The following VPS13A variants were observed in gnomAD, a reference collection of about 807,000 sequenced individuals.
VPS13A encodes intermembrane lipid transfer protein VPS13A.
Under a neutral mutation model 390.9 loss-of-function variants are expected in VPS13A, and 264 were observed. The observed-to-expected ratio is 0.68, with a 90% CI of 0.61 to 0.75. The LOEUF is 0.75. VPS13A is among the 30% of genes least tolerant of loss of function. The pLI is 0.00. For missense variants in VPS13A, 3,409 were observed against 3,733.9 expected (o/e 0.91, Z 2.27); for synonymous variants, 1,231 against 1,227.1 (o/e 1.00, Z -0.07).
chr9:77,345,235 T>A (rs2131524377), intron 52 of VPS13A, 93 bp downstream of exon 52: 1 of 1,327,356 alleles, frequency 7.5e-7, no homozygotes, highest in East Asian at 2.3e-5. Flanking sequence ...GTATAAACAC[T>A]GATAATAGCA....
chr9:77,191,569 G>T (rs1479690260), intron 1 of VPS13A, among the ~76,000 whole-genome samples: 1 of 152,032 alleles, frequency 6.6e-6, no homozygotes. Context: ...AAAGTACTGG[G>T]ATTACAGGCA....
intron 6 of VPS13A, among the ~76,000 whole-genome samples, chr9:77,210,282 A>T (rs1825905611): frequency 7.3e-6 from 1 of 136,840 alleles, no homozygotes; most frequent in African/African-American, 2.8e-5. Context: ...GCCAGGCTGG[A>T]GTGCAGTTGC....
intron 59 of VPS13A, among the ~76,000 whole-genome samples, chr9:77,361,193 C>T (rs1183418525): frequency 6.6e-6 from 1 of 152,082 alleles, no homozygotes. Context: ...TTAATGTATT[C>T]ACAAAGTTGT....
intron 31 of VPS13A, among the ~76,000 whole-genome samples, chr9:77,287,014 G>A (rs903601465): frequency 1.6e-4 from 24 of 151,674 alleles, no homozygotes; most frequent in African/African-American, 5.1e-4. Context: ...TGTTGAACTC[G>A]GAGAGGAACA....
chr9:77,364,932 C>T (rs1832353232), intron 59 of VPS13A, among the ~76,000 whole-genome samples: 1 of 152,122 alleles, frequency 6.6e-6, no homozygotes, highest in Non-Finnish European at 1.5e-5. Context: ...AAATGTGAAT[C>T]TTGGGGCTCA....
At chr9:77,254,955 T>C (rs1825355922) in intron 22 of VPS13A, among the ~76,000 whole-genome samples, 1 of 152,168 alleles carries the variant, frequency 6.6e-6, no homozygotes, top group African/African-American at 2.4e-5. Flanking sequence ...TTAATTTTTT[T>C]CCCTTTCTGA....
Position 77,364,824 on chromosome 9 carries a change from G to A in VPS13A, c.8212-636G>A, listed in dbSNP as rs188328489. The stretch of plus-strand genomic sequence containing the variant: ...TTTAAATTTTATCAGTTTAGCTGGG[G>A]TGCTGGTTTGAAGAGCTTCCCACTG... On this transcript the variant is annotated intron_variant, in intron 59 of 71. Coordinates refer to ENST00000360280, the MANE Select transcript of VPS13A (RefSeq NM_033305.3). Among the ~76,000 whole-genome samples, 12 of 152,242 alleles carry A rather than the reference G, an allele frequency of 7.9e-5. No individual in the cohort carries two copies. The East Asian group carries it at 1.7e-3, about 22-fold the overall frequency.
intron 45 of VPS13A, among the ~76,000 whole-genome samples, chr9:77,326,567 A>AT (rs1205511848): frequency 2.0e-5 from 3 of 151,170 alleles, no homozygotes; most frequent in African/African-American, 7.3e-5. Context: ...AGTAGTCTGG[A>AT]TTTTTTTGTT....
intron 17 of VPS13A, among the ~76,000 whole-genome samples, chr9:77,230,116 G>A (rs951037226): frequency 6.6e-6 from 1 of 151,346 alleles, no homozygotes; most frequent in East Asian, 1.9e-4. Context: ...ATTTTATGTT[G>A]GGTTGTCTTT....
Position 77,288,711 on chromosome 9 carries a change from T to G in VPS13A, c.3340-4630T>G, listed in dbSNP as rs902086529. Among the ~76,000 whole-genome samples, 28 of 152,330 alleles carry G rather than the reference T, an allele frequency of 1.8e-4. No individual in the cohort carries two copies. In the South Asian group the frequency reaches 1.9e-3, roughly 10 times the overall value. ...GATTAATCTTGGTGAATGTTTCAAGTGTACTTGAAATTAATATGTGTTTTG... is the reference window on the plus strand; with the variant it reads ...GATTAATCTTGGTGAATGTTTCAAGGGTACTTGAAATTAATATGTGTTTTG... On this transcript the variant is annotated intron_variant, in intron 31 of 71. Coordinates refer to ENST00000360280, the MANE Select transcript of VPS13A (RefSeq NM_033305.3).
intron 47 of VPS13A, chr9:77,338,963 C>CGTCAT (rs1830675399): frequency 6.4e-6 from 1 of 157,452 alleles, no homozygotes; most frequent in Non-Finnish European, 1.4e-5. Context: ...TAAACTGAGA[C>CGTCAT]GTCATATAGT....
intron 39 of VPS13A, 39 bp from the exon 40 acceptor site, chr9:77,317,567 T>C: frequency 7.1e-7 from 1 of 1,418,188 alleles, no homozygotes; most frequent in Non-Finnish European, 9.7e-7. Flanking sequence ...ATTTTTATAT[T>C]TAAACATTAA....
At chr9:77,399,181 T>C (rs201763338) in intron 68 of VPS13A, among the ~76,000 whole-genome samples, 1 of 34,964 alleles carries the variant, frequency 2.9e-5, no homozygotes, top group Non-Finnish European at 6.1e-5. Flanking sequence ...AAAAAAAAAA[T>C]AAAAAAAAAA....
chr9:77,291,142 G>A (rs547862604), intron 31 of VPS13A, among the ~76,000 whole-genome samples: 1 of 152,138 alleles, frequency 6.6e-6, no homozygotes, highest in South Asian at 2.1e-4. Context: ...CCTGAGCTCC[G>A]CCTCCTGTCA....
chr9:77,320,596 A>G (rs968827933), intron 42 of VPS13A, among the ~76,000 whole-genome samples: 2 of 152,106 alleles, frequency 1.3e-5, no homozygotes, highest in East Asian at 1.9e-4. Context: ...AGCTCTTTTC[A>G]TATTAGATCA....
intron 7 of VPS13A, chr9:77,211,635 C>T (rs1030311338): frequency 4.6e-5 from 7 of 152,098 alleles, no homozygotes; most frequent in African/African-American, 1.7e-4. Context: ...AAATGCCCTC[C>T]AAAAAGTTAC....
chr9:77,261,808 A>T (rs1564674463), intron 23 of VPS13A, among the ~76,000 whole-genome samples: 1 of 151,954 alleles, frequency 6.6e-6, no homozygotes, highest in Non-Finnish European at 1.5e-5. Context: ...TGGTCTTAAA[A>T]TCCTGACCTC....
chr9:77,293,559 A>G (rs1056731690), intron 32 of VPS13A, 51 bp downstream of exon 32: 10 of 1,065,642 alleles, frequency 9.4e-6, no homozygotes, highest in South Asian at 2.6e-5. Flanking sequence ...GGAAATTGCT[A>G]TATGTCAAAT....
rs1413208235 is a variant in VPS13A at position 77,340,460 on chromosome 9, C to T, written c.6936C>T (p.Thr2312=). The T allele has an allele frequency of 5.0e-6, 8 of 1,613,016 alleles. No individual in the cohort carries two copies. Among genetic ancestry groups the T allele is most frequent in the Non-Finnish European group, 5.9e-6 (7 of 1,179,588 alleles). The stretch of plus-strand genomic sequence containing the variant: ...ACATTACTAGAATTGTGACATTTAC[C>T]CCTTTTTATATGATTAAAAACAAAA... ...SFNITRIVTF[T]PFYMIKNKSK... The change falls in exon 50 of 72, where the codon ACC becomes ACT. Residue 2312 remains threonine, a synonymous_variant. Transcript: ENST00000360280.
Sources: gnomAD v4.1 joint callset for allele counts (sites outside exome capture counted in the v4.1 genomes callset) on GRCh38, gnomAD v4.1.1 for gene constraint, MANE v1.5 for transcripts, NCBI Gene and HGNC (gene_info 2026-07-23, HGNC 2026-07-21) for gene names.